Variants in PIK3C2G observed in about 807,000 individuals in gnomAD.
The protein encoded by PIK3C2G is phosphatidylinositol 3-kinase C2 domain-containing subunit gamma.
A neutral mutation model predicts 181.1 loss-of-function variants in PIK3C2G; 168 were observed. The observed-to-expected ratio is 0.93, with a 90% CI of 0.82 to 1.05. PIK3C2G has a LOEUF of 1.05. Ranked by LOEUF, PIK3C2G falls within the 50% of genes least tolerant of loss-of-function variation. PIK3C2G has a pLI of 0.00. For synonymous variants in PIK3C2G, 573 were observed against 592.2 expected, an observed-to-expected ratio of 0.97 and a Z score of 0.47; for missense variants, 1,869 against 1,732.8, an observed-to-expected ratio of 1.08 and a Z score of -1.40.
intron 8 of PIK3C2G, among the ~76,000 whole-genome samples, chr12:18,335,750 G>A (rs553769611): frequency 6.6e-6 from 1 of 152,184 alleles, no homozygotes; most frequent in South Asian, 2.1e-4. Flanking sequence ...TTTTACAATT[G>A]CAATCTTTTA....
chr12:18,440,311 T>C (rs1181092751), intron 18 of PIK3C2G, among the ~76,000 whole-genome samples: 1 of 152,072 alleles, frequency 6.6e-6, no homozygotes, highest in Non-Finnish European at 1.5e-5. Flanking sequence ...AGCCACATTG[T>C]AGTCTTCAGG....
intron 29 of PIK3C2G, among the ~76,000 whole-genome samples, chr12:18,567,298 C>G (rs1945690257): frequency 6.6e-6 from 1 of 151,948 alleles, no homozygotes; most frequent in African/African-American, 2.4e-5. Flanking sequence ...ATTCAGGAGG[C>G]TGAGGCAGAA....
At chr12:18,656,890 G>A in the PIK3C2G span, among the ~76,000 whole-genome samples, 1 of 152,198 alleles carries the variant, frequency 6.6e-6, no homozygotes, top group African/African-American at 2.4e-5. Flanking sequence ...TTCAGTAAGA[G>A]AGATGTGGTG....
At chr12:18,374,246 A>G (rs1942277612) in intron 13 of PIK3C2G, among the ~76,000 whole-genome samples, 1 of 152,176 alleles carries the variant, frequency 6.6e-6, no homozygotes. Flanking sequence ...AAACCTTGAA[A>G]AATCAGGATG....
chr12:18,505,239 C>T, intron 23 of PIK3C2G, 53 bp from the exon 24 acceptor site: 1 of 1,405,664 alleles, frequency 7.1e-7, no homozygotes, highest in Non-Finnish European at 9.8e-7. Context: ...GATGCTAATG[C>T]ATTTGCTCAT....
At chr12:18,546,453 G>T in intron 26 of PIK3C2G, 21 bp downstream of exon 26, 1 of 1,293,230 alleles carries the variant, frequency 7.7e-7, no homozygotes, top group Admixed American at 1.8e-5. Context: ...CTATGAATGT[G>T]TGAGCATGCA....
downstream of PIK3C2G, among the ~76,000 whole-genome samples, chr12:18,651,827 A>G (rs1389239560): frequency 6.6e-6 from 1 of 152,156 alleles, no homozygotes; most frequent in Non-Finnish European, 1.5e-5. Flanking sequence ...TCACAGACAT[A>G]TGCATGAGGC....
intron 1 of PIK3C2G, among the ~76,000 whole-genome samples, chr12:18,280,423 A>C (rs1261147223): frequency 1.3e-5 from 2 of 152,062 alleles, no homozygotes; most frequent in Non-Finnish European, 2.9e-5. Context: ...ATAATATTTC[A>C]ATTAAATCCT....
chr12:18,687,743 T>C, the PIK3C2G span, among the ~76,000 whole-genome samples: 3 of 152,032 alleles, frequency 2.0e-5, no homozygotes, highest in African/African-American at 7.2e-5. Context: ...AAATCACAAA[T>C]TTTTGATTTA....
chr12:18,523,968 C>A (rs1409785710), intron 24 of PIK3C2G, among the ~76,000 whole-genome samples: 1 of 152,134 alleles, frequency 6.6e-6, no homozygotes, highest in Non-Finnish European at 1.5e-5. Context: ...ATGTTTTCTC[C>A]ATTATAATGT....
Position 18,648,259 on chromosome 12 carries a change from T to A in PIK3C2G, c.*231T>A, listed in dbSNP as rs1168173942. The A allele has an allele frequency of 1.1e-5, 3 of 282,514 alleles. No individual in the cohort carries two copies. The highest frequency in any genetic ancestry group is 2.0e-5 in the Non-Finnish European group (3 of 152,216). 17.5% of individuals were successfully genotyped at this position (282,514 alleles called of 1,614,324 possible). On this transcript the variant is annotated 3_prime_UTR_variant, in exon 33 of 33. Transcript: ENST00000538779. ...GGAGTACTGATTGCATGAAATTTGATGTGTAAAATAATAAAAGACCTTTAT... is the reference window on the plus strand; with the variant it reads ...GGAGTACTGATTGCATGAAATTTGAAGTGTAAAATAATAAAAGACCTTTAT...
the PIK3C2G span, among the ~76,000 whole-genome samples, chr12:18,696,439 C>T: frequency 5.4e-5 from 8 of 147,032 alleles, 1 homozygote; most frequent in Non-Finnish European, 1.2e-4. Flanking sequence ...TAAATCCATG[C>T]CTTTATGTTT....
intron 18 of PIK3C2G, among the ~76,000 whole-genome samples, chr12:18,486,702 G>A (rs940971596): frequency 4.0e-5 from 6 of 151,632 alleles, no homozygotes; most frequent in Non-Finnish European, 8.8e-5. Flanking sequence ...GTGTATGAAA[G>A]TGCTGACAAA....
intron 14 of PIK3C2G, 123 bp from the exon 15 acceptor site, chr12:18,390,999 T>C: frequency 1.7e-6 from 1 of 598,712 alleles, no homozygotes; most frequent in Non-Finnish European, 2.5e-6. Context: ...AAATTATAAA[T>C]AGCACAGAAA....
At chr12:18,647,781 T>A in intron 32 of PIK3C2G, 95 bp from the exon 33 acceptor site, 2 of 607,832 alleles carry the variant, frequency 3.3e-6, no homozygotes, top group South Asian at 3.9e-5. Flanking sequence ...GTATAAGATA[T>A]TAGCAGCTAA....
intron 5 of PIK3C2G, among the ~76,000 whole-genome samples, chr12:18,303,964 C>T (rs983923665): frequency 6.6e-6 from 1 of 151,512 alleles, no homozygotes; most frequent in Non-Finnish European, 1.5e-5. Flanking sequence ...AGAAATTCTA[C>T]AGTAATTAAA....
intron 11 of PIK3C2G, among the ~76,000 whole-genome samples, 158 bp from the exon 12 acceptor site, chr12:18,362,606 T>C (rs1941337597): frequency 6.6e-6 from 1 of 152,214 alleles, no homozygotes; most frequent in Admixed American, 6.5e-5. Context: ...CTTTTTGACA[T>C]ACTCAGCCTA....
At chr12:18,391,443 G>A (rs1565669304) in intron 15 of PIK3C2G, among the ~76,000 whole-genome samples, 191 bp downstream of exon 15, 1 of 152,106 alleles carries the variant, frequency 6.6e-6, no homozygotes, top group Non-Finnish European at 1.5e-5. Context: ...TGCTTTTAAC[G>A]ATTTATTTCC....
chr12:18,298,413 T>TTC (rs1486587620), intron 5 of PIK3C2G, among the ~76,000 whole-genome samples: 1 of 150,922 alleles, frequency 6.6e-6, no homozygotes, highest in African/African-American at 2.4e-5. Context: ...TTTTTCTTTT[T>TTC]TTTTTTTTGC....
Sources: gnomAD v4.1 joint callset for allele counts (sites outside exome capture counted in the v4.1 genomes callset) on GRCh38, gnomAD v4.1.1 for gene constraint, MANE v1.5 for transcripts, NCBI Gene and HGNC (gene_info 2026-07-23, HGNC 2026-07-21) for gene names.